The following FHL2 variants were observed in gnomAD, a reference collection of about 807,000 sequenced individuals.
FHL2 encodes the protein four and a half LIM domains protein 2.
Under a neutral mutation model 32.7 loss-of-function variants are expected in FHL2, and 20 were observed. The observed-to-expected ratio is 0.61, with a 90% CI of 0.43 to 0.89. The LOEUF is 0.89. FHL2 is among the 40% of genes least tolerant of loss of function. FHL2 has a pLI of 0.00. For missense variants in FHL2, 311 were observed against 358.6 expected (o/e 0.87, Z 1.07); for synonymous variants, 123 against 128.1 (o/e 0.96, Z 0.27).
At chr2:105,402,628 A>G (rs1470400994), upstream of FHL2, among the ~76,000 whole-genome samples, 1 of 152,230 alleles carries the variant, frequency 6.6e-6, no homozygotes, top group East Asian at 1.9e-4. Context: ...TGATATTAAT[A>G]GTAAGTCAAA....
At position 105,426,472 on chromosome 2, in the gene FHL2, C is replaced by G. The variant is rs1684272164; in HGVS notation, c.-25+11927G>C. Among the ~76,000 whole-genome samples, 3 of 152,168 alleles carry G rather than the reference C, an allele frequency of 2.0e-5. No individual in the cohort carries two copies. In the South Asian group the frequency reaches 6.2e-4, roughly 31 times the overall value. ...AAATACCTTTGCAGTTTGCTTTTATCTCTCCTTCCAGACATCCTGCCTAGG... is the reference window on the plus strand; with the variant it reads ...AAATACCTTTGCAGTTTGCTTTTATGTCTCCTTCCAGACATCCTGCCTAGG... On this transcript the variant is annotated intron_variant, in intron 1 of 5. Transcript: ENST00000393352.
At position 105,363,459 on chromosome 2, in the gene FHL2, C is replaced by T. The variant is rs1489475035; in HGVS notation, c.514G>A (p.Gly172Arg). ...GGCTGCTCCCGGTAAGTGACCCCTC[C>T]CGTGGTGATGGGCTGCAGGGACGAG... ...CVQCKKPITT[G>R]GVTYREQPWH... Residue 172 changes from glycine (G) to arginine (R), a missense_variant, in exon 6 of 7, where the codon GGA becomes AGA. Transcript: ENST00000530340. 4 of 1,608,996 alleles carry T rather than the reference C, an allele frequency of 2.5e-6. No homozygotes were observed. Among genetic ancestry groups the T allele is most frequent in the Non-Finnish European group, 3.4e-6 (4 of 1,177,664 alleles).
At chr2:105,414,486 G>C (rs912009117) in intron 1 of FHL2, among the ~76,000 whole-genome samples, 19 of 151,726 alleles carry the variant, frequency 1.3e-4, no homozygotes, top group African/African-American at 4.6e-4. Context: ...CCCCTCCGCC[G>C]CCATTATCTC....
upstream of FHL2, chr2:105,399,284 G>C: frequency 6.5e-7 from 1 of 1,535,834 alleles, no homozygotes; most frequent in Non-Finnish European, 8.7e-7. Context: ...GTAGTTATCG[G>C]GAGCGTCGCC....
At chr2:105,398,637 A>C (rs1035697755) in intron 1 of FHL2, among the ~76,000 whole-genome samples, 2 of 152,052 alleles carry the variant, frequency 1.3e-5, no homozygotes. Context: ...GGCTCCTCTG[A>C]GCTCCAGCGC....
intron 2 of FHL2, among the ~76,000 whole-genome samples, chr2:105,387,736 C>T (rs1016571637): frequency 5.3e-5 from 8 of 152,120 alleles, no homozygotes; most frequent in African/African-American, 1.9e-4. Flanking sequence ...ACCATTTGAC[C>T]CAGCAATCCC....
chr2:105,371,847 G>A (rs1650736049), intron 4 of FHL2, among the ~76,000 whole-genome samples: 1 of 152,130 alleles, frequency 6.6e-6, no homozygotes, highest in Non-Finnish European at 1.5e-5. Flanking sequence ...TGAGTGTTGT[G>A]TCTCTGCAGT....
intron 1 of FHL2, among the ~76,000 whole-genome samples, chr2:105,426,094 C>G (rs1282073905): frequency 1.3e-5 from 2 of 152,154 alleles, no homozygotes; most frequent in African/African-American, 4.8e-5. Flanking sequence ...GCTTCCTCTT[C>G]GGCAATGTAA....
In FHL2 at chr2:105,411,553, T is replaced by G. The variant is rs190460006; in HGVS notation, c.-24-25013A>C. ...TGAACTTAGGGTTTTTTTTTTTTTT[T>G]TTTTTTTTTTTGACTTTAAAAGTTC... is the stretch of plus-strand genomic sequence containing the variant. On this transcript the variant is annotated intron_variant, in intron 1 of 5. Coordinates refer to the FHL2 transcript ENST00000393352. Among the ~76,000 whole-genome samples the G allele has an allele frequency of 5.9e-3, 881 of 148,678 alleles. 6 individuals are homozygous for G. Among genetic ancestry groups the G allele is most frequent in the Non-Finnish European group, 9.3e-3 (624 of 67,286 alleles).
chr2:105,397,872 TG>T (rs1263869054), intron 1 of FHL2, among the ~76,000 whole-genome samples: 3 of 40,720 alleles, frequency 7.4e-5, no homozygotes, highest in Admixed American at 4.0e-4. Flanking sequence ...AAATGGTTTT[TG>T]TTTTTTTGTT....
At position 105,412,793 on chromosome 2, in the gene FHL2, G is replaced by A. The variant is rs535473895; in HGVS notation, c.-25+25606C>T. Among the ~76,000 whole-genome samples, 7 of 152,350 alleles carry A rather than the reference G, an allele frequency of 4.6e-5. 1 individual carries two copies. The South Asian group carries it at 1.4e-3, about 32-fold the overall frequency. On this transcript the variant is annotated intron_variant, in intron 1 of 5. Transcript: ENST00000393352. The stretch of plus-strand genomic sequence containing the variant: ...CAGTGACTGACACAGCCGAGGAGCA[G>A]TGGCCAGGGGGTGCTGAGAGTGTGT...
At chr2:105,380,899 A>T (rs1425658039) in intron 3 of FHL2, among the ~76,000 whole-genome samples, 1 of 152,208 alleles carries the variant, frequency 6.6e-6, no homozygotes, top group Non-Finnish European at 1.5e-5. Context: ...TTAGGCCCAC[A>T]CACTTCCTTT....
intron 3 of FHL2, chr2:105,378,612 T>C (rs1401948207): frequency 6.3e-6 from 1 of 159,820 alleles, no homozygotes; most frequent in East Asian, 1.8e-4. Context: ...TGCCCAGGGC[T>C]GCGTTATCTC....
intron 5 of FHL2, among the ~76,000 whole-genome samples, chr2:105,366,081 C>T (rs576180636): frequency 9.2e-5 from 14 of 151,590 alleles, no homozygotes; most frequent in South Asian, 4.2e-4. Context: ...TGGTGACGCA[C>T]GCCTGTAATC....
At chr2:105,363,009 G>A in intron 6 of FHL2, 1 of 401,726 alleles carries the variant, frequency 2.5e-6, no homozygotes, top group South Asian at 3.9e-5. Context: ...CTCACAGACT[G>A]CAGTTTTAGC....
Position 105,363,410 on chromosome 2 carries a change from C to A in FHL2, c.563G>T (p.Cys188Phe). Residue 188 changes from cysteine to phenylalanine, a missense_variant, in exon 6 of 7, where the codon TGC (cysteine) becomes TTC (phenylalanine). Transcript: ENST00000530340. ...EQPWHKECFV[C>F]TACRKQLSGQ... Reference sequence around the variant, plus strand: ...AGACAGCTGCTTCCTGCAGGCGGTGCACACGAAGCACTCCTTGTGCCAGGG... The same window carrying A: ...AGACAGCTGCTTCCTGCAGGCGGTGAACACGAAGCACTCCTTGTGCCAGGG... 1 of 1,613,344 alleles carries A rather than the reference C, an allele frequency of 6.2e-7. No individual in the cohort carries two copies. Among genetic ancestry groups the A allele is most frequent in the Non-Finnish European group, 8.5e-7 (1 of 1,179,710 alleles).
chr2:105,427,935 G>A (rs1373999915), intron 1 of FHL2, among the ~76,000 whole-genome samples: 1 of 152,166 alleles, frequency 6.6e-6, no homozygotes, highest in African/African-American at 2.4e-5. Flanking sequence ...ATGAATAACT[G>A]AGGAAAGTAT....
intron 1 of FHL2, among the ~76,000 whole-genome samples, chr2:105,417,501 T>C (rs1392707909): frequency 2.0e-5 from 3 of 151,578 alleles, no homozygotes; most frequent in Non-Finnish European, 4.4e-5. Context: ...CTGGGCAACA[T>C]GGTGAAACTC....
At chr2:105,359,276 A>C (rs866668899), downstream of FHL2, 1 of 152,352 alleles carries the variant, frequency 6.6e-6, no homozygotes, top group Middle Eastern at 3.4e-3. Context: ...AAGATGTTCC[A>C]AAATGAAATT....
Sources: gnomAD v4.1 joint callset for allele counts (sites outside exome capture counted in the v4.1 genomes callset) on GRCh38, gnomAD v4.1.1 for gene constraint, MANE v1.5 for transcripts, NCBI Gene and HGNC (gene_info 2026-07-23, HGNC 2026-07-21) for gene names.